The following CEP128 variants were observed in gnomAD, a reference collection of about 807,000 sequenced individuals.
CEP128 encodes centrosomal protein 128kDa.
CEP128 carries 132 observed loss-of-function variants against 156.7 expected under a neutral mutation model. That is an observed-to-expected ratio of 0.84 (90% confidence interval 0.73 to 0.97). The LOEUF (loss-of-function observed/expected upper bound fraction) is 0.97, where lower values mean the gene tolerates loss of function less well. Among genes scored for constraint, CEP128 ranks in the 50% least tolerant of loss-of-function variants. The probability of loss-of-function intolerance (pLI) is 0.00; values close to 1 mark genes in which losing one functional copy is unlikely to be tolerated. For missense variants in CEP128, 1,252 were observed against 1,281.9 expected, an observed-to-expected ratio of 0.98 and a Z score of 0.36; for synonymous variants, 469 against 448.9, an observed-to-expected ratio of 1.04 and a Z score of -0.57.
intron 21 of CEP128, among the ~76,000 whole-genome samples, chr14:80,552,944 T>C (rs1890268841): frequency 6.6e-6 from 1 of 152,162 alleles, no homozygotes; most frequent in African/African-American, 2.4e-5. Context: ...TGATCCATTA[T>C]TCCAATGCCT....
intron 2 of CEP128, among the ~76,000 whole-genome samples, chr14:80,946,852 T>C (rs534420912): frequency 6.6e-6 from 1 of 152,140 alleles, no homozygotes; most frequent in Non-Finnish European, 1.5e-5. Context: ...ATCCCTAATG[T>C]TGGGGGTGGG....
chr14:80,494,824 G>T (rs1469213872), downstream of CEP128, among the ~76,000 whole-genome samples: 1 of 152,092 alleles, frequency 6.6e-6, no homozygotes, highest in Non-Finnish European at 1.5e-5. Context: ...AAATAGGTAG[G>T]TAAACTATAA....
At chr14:80,863,451 A>C (rs1887615790) in intron 8 of CEP128, among the ~76,000 whole-genome samples, 1 of 152,148 alleles carries the variant, frequency 6.6e-6, no homozygotes, top group African/African-American at 2.4e-5. Context: ...TTTAATCAGG[A>C]CTCTAAACGT....
intron 2 of CEP128, among the ~76,000 whole-genome samples, chr14:80,948,604 G>A (rs752626941): frequency 2.5e-4 from 38 of 152,322 alleles, no homozygotes; most frequent in Middle Eastern, 6.8e-3. Context: ...GGCATAAATT[G>A]CCAAACACCA....
intron 23 of CEP128, among the ~76,000 whole-genome samples, chr14:80,520,198 C>A (rs1478808892): frequency 6.6e-6 from 1 of 152,102 alleles, no homozygotes; most frequent in Non-Finnish European, 1.5e-5. Flanking sequence ...GCTTGCGGAT[C>A]GCCTGAGGTC....
chr14:80,573,086 C>G (rs990786290), intron 20 of CEP128, among the ~76,000 whole-genome samples: 53 of 113,356 alleles, frequency 4.7e-4, no homozygotes, highest in Non-Finnish European at 7.9e-4. Flanking sequence ...CCACGCCTGA[C>G]TAATTTTTTT....
At chr14:80,910,749 G>A (rs1169561150) in intron 4 of CEP128, among the ~76,000 whole-genome samples, 1 of 152,138 alleles carries the variant, frequency 6.6e-6, no homozygotes, top group Non-Finnish European at 1.5e-5. Flanking sequence ...ACTTAAGCAT[G>A]TAGTAGGCTC....
chr14:80,565,557 C>T (rs1033453789), intron 20 of CEP128, among the ~76,000 whole-genome samples: 1 of 152,136 alleles, frequency 6.6e-6, no homozygotes, highest in African/African-American at 2.4e-5. Context: ...GCAAGGTGAA[C>T]CCATTGGGTG....
chr14:80,623,516 T>G (rs928321062), intron 19 of CEP128, among the ~76,000 whole-genome samples: 6 of 151,616 alleles, frequency 4.0e-5, no homozygotes, highest in African/African-American at 7.3e-5. Flanking sequence ...AAAAAAAAAT[T>G]TAAAGCATGG....
At chr14:80,752,344 C>T (rs1007454495) in intron 18 of CEP128, among the ~76,000 whole-genome samples, 5 of 152,108 alleles carry the variant, frequency 3.3e-5, no homozygotes, top group Admixed American at 6.6e-5. Flanking sequence ...TACAAGTCAA[C>T]CTAAAAATAT....
intron 19 of CEP128, among the ~76,000 whole-genome samples, chr14:80,707,051 C>G (rs538589329): frequency 6.6e-6 from 1 of 152,006 alleles, no homozygotes; most frequent in East Asian, 1.9e-4. Context: ...TTTATGATTC[C>G]TTCTTTAAAT....
chr14:80,687,369 A>G (rs1896562303), intron 19 of CEP128, among the ~76,000 whole-genome samples: 1 of 152,166 alleles, frequency 6.6e-6, no homozygotes, highest in Non-Finnish European at 1.5e-5. Flanking sequence ...AAAACGAGGT[A>G]CATACATCCC....
intron 23 of CEP128, among the ~76,000 whole-genome samples, chr14:80,517,030 T>C (rs912009900): frequency 6.6e-6 from 1 of 152,172 alleles, no homozygotes; most frequent in East Asian, 1.9e-4. Context: ...TATTTGACCA[T>C]CTTGCTCTGC....
At chr14:80,797,942 C>T (rs1440708860) in intron 13 of CEP128, among the ~76,000 whole-genome samples, 2 of 152,108 alleles carry the variant, frequency 1.3e-5, no homozygotes, top group Admixed American at 6.5e-5. Flanking sequence ...TTCCTGGAGG[C>T]ATCTTCTACA....
intron 23 of CEP128, among the ~76,000 whole-genome samples, chr14:80,508,793 A>G (rs907594633): frequency 1.3e-5 from 2 of 152,194 alleles, no homozygotes; most frequent in Non-Finnish European, 1.5e-5. Context: ...GGTACAGCAC[A>G]GTTGTATATA....
rs572921653 is a variant in CEP128, at chr14:80,748,929, A to G, written c.2614-5662T>C. Among the ~76,000 whole-genome samples the G allele has an allele frequency of 2.0e-5, 3 of 152,270 alleles. No homozygotes were observed. In the East Asian group the frequency reaches 5.8e-4, roughly 29 times the overall value. The stretch of plus-strand genomic sequence containing the variant: ...GAAAAAAACATGTTGCCCAGAAGAG[A>G]AACACACAAGCATGGCTGGCTTCAC... On this transcript the variant is annotated intron_variant, in intron 18 of 24. Coordinates refer to ENST00000555265, the MANE Select transcript of CEP128 (RefSeq NM_152446.5).
intron 6 of CEP128, among the ~76,000 whole-genome samples, chr14:80,901,361 A>T (rs1883554614): frequency 6.6e-6 from 1 of 152,252 alleles, no homozygotes; most frequent in Non-Finnish European, 1.5e-5. Flanking sequence ...AAACTACGTT[A>T]AACAGACTTG....
chr14:80,862,767 T>C lies in CEP128; in HGVS notation c.752A>G (p.Gln251Arg), dbSNP rs1887576760. Residue 251 changes from glutamine to arginine, a missense_variant, in exon 9 of 25, where the codon CAG (glutamine) becomes CGG (arginine). Transcript: ENST00000555265. ...RQDQLGLMSL[Q>R]LQEALKKQEA... is the part of the protein sequence containing the mutation. ...GTGTTTTTCACAAACCTCCTGTAGC[T>C]GCAGGGACATGAGTCCCAGTTGATC... is the stretch of plus-strand genomic sequence containing the variant. 1 of 1,598,164 alleles carries C rather than the reference T, an allele frequency of 6.3e-7. No individual in the cohort carries two copies. Among genetic ancestry groups the C allele is most frequent in the Non-Finnish European group, 8.6e-7 (1 of 1,165,558 alleles).
intron 19 of CEP128, among the ~76,000 whole-genome samples, chr14:80,726,013 A>G (rs1423351305): frequency 6.6e-6 from 1 of 152,188 alleles, no homozygotes; most frequent in African/African-American, 2.4e-5. Context: ...AGTAACTTCT[A>G]TAAGATCCTT....
Sources: allele counts gnomAD v4.1 joint callset (sites outside exome capture counted in the v4.1 genomes callset), GRCh38; gene constraint gnomAD v4.1.1; transcripts MANE v1.5; gene names NCBI Gene and HGNC (gene_info 2026-07-23, HGNC 2026-07-21).